FGFR1: variants seen among roughly 807,000 people sequenced by gnomAD.
FGFR1 encodes the protein fibroblast growth factor receptor 1.
Under a neutral mutation model 93.7 loss-of-function variants are expected in FGFR1, and 18 were observed. That is an observed-to-expected ratio of 0.19 (90% CI 0.13 to 0.28). The LOEUF is 0.28. FGFR1 is among the 10% of genes least tolerant of loss of function. The pLI is 1.00. For missense variants in FGFR1, 731 were observed against 1,080.4 expected (o/e 0.68, Z 4.53); for synonymous variants, 448 against 429.3 (o/e 1.04, Z -0.54).
intron 2 of FGFR1, among the ~76,000 whole-genome samples, chr8:38,456,075 A>C (rs1021317366): frequency 6.6e-6 from 1 of 151,536 alleles, no homozygotes; most frequent in Non-Finnish European, 1.5e-5. Context: ...TTCATCCCCA[A>C]CTCCATCCAG....
At chr8:38,458,647 C>G (rs976161188) in intron 1 of FGFR1, among the ~76,000 whole-genome samples, 1 of 152,118 alleles carries the variant, frequency 6.6e-6, no homozygotes, top group Non-Finnish European at 1.5e-5. Flanking sequence ...AGCTAAGGAC[C>G]AGTAAATGGA....
At chr8:38,467,259 T>G (rs2151497337) in intron 1 of FGFR1, among the ~76,000 whole-genome samples, 1 of 152,160 alleles carries the variant, frequency 6.6e-6, no homozygotes, top group South Asian at 2.1e-4. Flanking sequence ...GTCCAAGTCA[T>G]AAGATCACCC....
Position 38,414,344 on chromosome 8 carries a change from C to T in FGFR1, c.2049-55G>A, listed in dbSNP as rs17176051. On this transcript the variant is annotated intron_variant, in intron 15 of 17. Transcript: ENST00000447712. Reference sequence around the variant, plus strand: ...TAGAGCTTCTCCGCCTCCCCTCCCCCAGCACAAATCCTCTACCCAGGGCAG... The same window carrying T: ...TAGAGCTTCTCCGCCTCCCCTCCCCTAGCACAAATCCTCTACCCAGGGCAG... 1,977 of 1,612,564 alleles carry T rather than the reference C, an allele frequency of 1.2e-3. 16 individuals carry two copies. In the African/African-American group the frequency reaches 0.019, roughly 15 times the overall value.
At chr8:38,428,714 A>G in intron 3 of FGFR1, 1 of 473,818 alleles carries the variant, frequency 2.1e-6, no homozygotes, top group African/African-American at 2.0e-5. Flanking sequence ...TCCGTCCTAC[A>G]TTCAAAGGCG....
At chr8:38,440,236 G>T in intron 2 of FGFR1, 1 of 1,366,704 alleles carries the variant, frequency 7.3e-7, no homozygotes, top group South Asian at 1.2e-5. Flanking sequence ...AGCGCAGCGG[G>T]GCTCCGGGGG....
In FGFR1 at chr8:38,456,432, C is replaced by T. The variant is rs148121774; in HGVS notation, c.91+924G>A. 6.9e-4 allele frequency among the ~76,000 whole-genome samples: 105 copies of T among 152,272 alleles called. 1 individual carries two copies. In the East Asian group the frequency reaches 0.018, roughly 26 times the overall value. On this transcript the variant is annotated intron_variant, in intron 2 of 17. Coordinates refer to ENST00000447712, the MANE Select transcript of FGFR1 (RefSeq NM_023110.3). Reference sequence around the variant, plus strand: ...TTCCAACACGCCATAGGTCTCCATGCCCCTTTATGCTTCCTGGGTCTCAAT... The same window carrying T: ...TTCCAACACGCCATAGGTCTCCATGTCCCTTTATGCTTCCTGGGTCTCAAT...
chr8:38,439,953 C>A (rs1826822447), intron 2 of FGFR1, among the ~76,000 whole-genome samples: 2 of 152,166 alleles, frequency 1.3e-5, no homozygotes, highest in African/African-American at 4.8e-5. Context: ...GGGCTTAGGG[C>A]TTGGATAACT....
chr8:38,440,945 G>A (rs1490833878), intron 2 of FGFR1, among the ~76,000 whole-genome samples: 1 of 152,172 alleles, frequency 6.6e-6, no homozygotes, highest in Non-Finnish European at 1.5e-5. Context: ...CCAGAGTTTT[G>A]TTTTGTTTTT....
intron 2 of FGFR1, chr8:38,435,170 TG>T (rs1188389921): frequency 6.6e-6 from 1 of 152,212 alleles, no homozygotes; most frequent in Non-Finnish European, 1.5e-5. Context: ...GTGCCTGGCC[TG>T]TATTGCTTCT....
At chr8:38,445,148 C>T (rs1280795213) in intron 2 of FGFR1, among the ~76,000 whole-genome samples, 1 of 152,224 alleles carries the variant, frequency 6.6e-6, no homozygotes, top group African/African-American at 2.4e-5. Context: ...GCATCCCTTT[C>T]CGTGCCCATC....
chr8:38,450,190 T>C (rs1422180773), intron 2 of FGFR1, among the ~76,000 whole-genome samples: 1 of 151,732 alleles, frequency 6.6e-6, no homozygotes, highest in Non-Finnish European at 1.5e-5. Flanking sequence ...GGGAGTATGG[T>C]GGGTGGGGAG....
chr8:38,420,829 C>A (rs1465432451), intron 8 of FGFR1, among the ~76,000 whole-genome samples: 4 of 152,202 alleles, frequency 2.6e-5, no homozygotes, highest in Non-Finnish European at 5.9e-5. Flanking sequence ...CGTCCCAAGG[C>A]CTGACAAGGA....
rs761827053 is a variant in FGFR1, at chr8:38,429,800, G to A, written c.240C>T (p.Arg80=). 6 of 1,613,246 alleles carry A rather than the reference G, an allele frequency of 3.7e-6. No homozygotes were observed. The highest frequency in any genetic ancestry group is 2.7e-5 in the African/African-American group (2 of 74,918). Residue 80 remains arginine (R), a synonymous_variant, in exon 3 of 18, where the codon CGC becomes CGT. Transcript: ENST00000447712. This position sits in a 1 kb window ranked among gnomAD's most constrained non-coding sequence, Gnocchi z 4.4. ...GCACCTCCACCTCCTCCCCTGTGAT[G>A]CGGGTGCGGTTGCTTTCCGCCAGCT... The part of the protein sequence containing the change: ...GVQLAESNRT[R]ITGEEVEVQD...
At chr8:38,457,636 G>T in intron 1 of FGFR1, 102 bp from the exon 2 acceptor site, 1 of 1,204,434 alleles carries the variant, frequency 8.3e-7, no homozygotes, top group South Asian at 1.4e-5. Flanking sequence ...TGCTTAAAGT[G>T]TGGACTTACT....
intron 1 of FGFR1, among the ~76,000 whole-genome samples, chr8:38,458,192 G>T (rs1393754192): frequency 6.6e-6 from 1 of 152,100 alleles, no homozygotes; most frequent in Non-Finnish European, 1.5e-5. Flanking sequence ...GTTTTACAAA[G>T]TGTGCTACAA....
intron 1 of FGFR1, chr8:38,466,517 A>C: frequency 4.3e-6 from 1 of 229,922 alleles, no homozygotes; most frequent in Non-Finnish European, 8.6e-6. Context: ...GCAATCCAGA[A>C]AGCACCCGGA....
At chr8:38,465,478 C>A (rs2151475937) in intron 1 of FGFR1, 1 of 230,930 alleles carries the variant, frequency 4.3e-6, no homozygotes, top group Non-Finnish European at 8.6e-6. Flanking sequence ...AGTTCATAAC[C>A]CTCCCAGCTG....
chr8:38,421,511 G>T (rs371518435), intron 8 of FGFR1: 1 of 496,558 alleles, frequency 2.0e-6, no homozygotes, highest in Admixed American at 3.3e-5. Flanking sequence ...TGGAGGAGTC[G>T]GGCTGCAGGG....
chr8:38,442,554 A>T (rs547566785), intron 2 of FGFR1, among the ~76,000 whole-genome samples: 1 of 152,154 alleles, frequency 6.6e-6, no homozygotes, highest in African/African-American at 2.4e-5. Context: ...TGGAGAGATG[A>T]ATCAACGGCA....
Sources: gnomAD v4.1 joint callset for allele counts (sites outside exome capture counted in the v4.1 genomes callset) on GRCh38, gnomAD v4.1.1 for gene constraint, Gnocchi (gnomAD v3.1) non-coding constraint, MANE v1.5 for transcripts, NCBI Gene and HGNC (gene_info 2026-07-23, HGNC 2026-07-21) for gene names.